Variants in SNAPC1 observed in about 807,000 individuals in gnomAD.
The protein encoded by SNAPC1 is small nuclear RNA activating complex polypeptide 1.
In SNAPC1, 42 loss-of-function variants were observed where a neutral mutation model predicts 50.1. The observed-to-expected ratio is 0.84, with a 90% CI of 0.65 to 1.08. The LOEUF is 1.08. Among genes scored for constraint, SNAPC1 ranks in the 50% least tolerant of loss-of-function variants. The probability of loss-of-function intolerance (pLI) is 0.00; values close to 1 mark genes in which losing one functional copy is unlikely to be tolerated. For synonymous variants in SNAPC1, 164 were observed against 144.2 expected (o/e 1.14, Z -0.98); for missense variants, 477 against 427.3 (o/e 1.12, Z -1.02).
intron 4 of SNAPC1, among the ~76,000 whole-genome samples, chr14:61,772,177 C>A (rs370403017): frequency 6.6e-6 from 1 of 152,068 alleles, no homozygotes; most frequent in Non-Finnish European, 1.5e-5. Flanking sequence ...GCTCACTGCA[C>A]CCTCAGTCTC....
At chr14:61,773,697 T>TAA (rs2045012523) in intron 4 of SNAPC1, among the ~76,000 whole-genome samples, 1 of 56,164 alleles carries the variant, frequency 1.8e-5, no homozygotes. Context: ...TGCCTGGCCT[T>TAA]TTTTTTTTTT....
chr14:61,762,691 G>A (rs1031428246), intron 1 of SNAPC1, 103 bp downstream of exon 1: 17 of 1,387,024 alleles, frequency 1.2e-5, no homozygotes, highest in African/African-American at 8.6e-5. Flanking sequence ...TGAGAAGAGC[G>A]GCAGTCACCG....
At chr14:61,786,670 T>G (rs1305107915) in intron 8 of SNAPC1, among the ~76,000 whole-genome samples, 3 of 152,136 alleles carry the variant, frequency 2.0e-5, no homozygotes, top group Non-Finnish European at 4.4e-5. Context: ...TGTTGAGGAT[T>G]TGGAACAAGT....
chr14:61,767,106 A>T, intron 2 of SNAPC1, 71 bp downstream of exon 2: 2 of 1,056,734 alleles, frequency 1.9e-6, no homozygotes, highest in South Asian at 5.6e-5. Context: ...AATAAATATT[A>T]TATGATTAAA....
chr14:61,766,307 G>A (rs1041833883), intron 1 of SNAPC1, among the ~76,000 whole-genome samples: 16 of 152,178 alleles, frequency 1.1e-4, no homozygotes, highest in African/African-American at 3.6e-4. Context: ...TAAGTTGCTA[G>A]TCAATGAAGA....
At chr14:61,777,759 T>G (rs898987069) in intron 5 of SNAPC1, among the ~76,000 whole-genome samples, 1 of 152,202 alleles carries the variant, frequency 6.6e-6, no homozygotes, top group South Asian at 2.1e-4. Context: ...GCTCTTTTAA[T>G]AGATAAACTC....
At chr14:61,773,228 G>A (rs756751177) in intron 4 of SNAPC1, among the ~76,000 whole-genome samples, 1 of 152,128 alleles carries the variant, frequency 6.6e-6, no homozygotes, top group Non-Finnish European at 1.5e-5. Flanking sequence ...TGCTATGTAA[G>A]TAGGACCTTG....
At chr14:61,766,053 A>G (rs1053052740) in intron 1 of SNAPC1, among the ~76,000 whole-genome samples, 2 of 152,238 alleles carry the variant, frequency 1.3e-5, no homozygotes, top group African/African-American at 4.8e-5. Flanking sequence ...TCTAATTAAG[A>G]CTAAATAGTA....
intron 4 of SNAPC1, among the ~76,000 whole-genome samples, chr14:61,769,318 T>C (rs551433131): frequency 2.0e-5 from 3 of 150,342 alleles, no homozygotes; most frequent in African/African-American, 7.3e-5. Flanking sequence ...ATCGCACCGC[T>C]GCACTCCAGC....
Position 61,762,581 on chromosome 14 carries a change from A to T in SNAPC1, c.121A>T (p.Ile41Phe). ...CTGGAGAAACATGAAGTTCGGGACT[A>T]TCTTCTGGTGGGTGTTTCTTGTCCA... ...ELWRNMKFGT[I>F]FCGRMRNLEK... The change falls in exon 1 of 10, where the codon ATC becomes TTC. Residue 41 changes from isoleucine (I) to phenylalanine (F), a missense_variant. By Grantham distance (21) the Ile-to-Phe change is conservative. Coordinates refer to ENST00000216294, the MANE Select transcript of SNAPC1 (RefSeq NM_003082.4). 1.2e-6 allele frequency: 2 copies of T among 1,613,130 alleles called. No individual in the cohort carries two copies. Among genetic ancestry groups the T allele is most frequent in the Middle Eastern group, 3.4e-4 (2 of 5,928 alleles).
intron 1 of SNAPC1, 147 bp downstream of exon 1, chr14:61,762,735 G>C: frequency 1.2e-6 from 1 of 868,184 alleles, no homozygotes; most frequent in Non-Finnish European, 1.8e-6. Flanking sequence ...ACCTTCCCCT[G>C]TGCTCAGGCA....
chr14:61,778,405 G>C (rs1206686952), intron 6 of SNAPC1, among the ~76,000 whole-genome samples: 3 of 152,194 alleles, frequency 2.0e-5, no homozygotes, highest in Non-Finnish European at 4.4e-5. Flanking sequence ...TCAGGCTTTT[G>C]TAATATATCT....
intron 5 of SNAPC1, among the ~76,000 whole-genome samples, chr14:61,776,877 CA>C (rs2045038555): frequency 6.6e-6 from 1 of 152,148 alleles, no homozygotes; most frequent in Non-Finnish European, 1.5e-5. Flanking sequence ...TTTATTTAAC[CA>C]AAAGTATTGA....
chr14:61,780,877 T>A (rs1566591092), intron 7 of SNAPC1, among the ~76,000 whole-genome samples: 1 of 146,372 alleles, frequency 6.8e-6, no homozygotes, highest in African/African-American at 2.6e-5. Context: ...AATTGTGGAT[T>A]GAAAATATTT....
chr14:61,769,350 C>T (rs565878469), intron 4 of SNAPC1, among the ~76,000 whole-genome samples: 5 of 148,934 alleles, frequency 3.4e-5, no homozygotes, highest in Non-Finnish European at 5.9e-5. Flanking sequence ...AGCAAGATTC[C>T]GTTTTGAAAA....
intron 1 of SNAPC1, among the ~76,000 whole-genome samples, chr14:61,765,162 G>A (rs1176933822): frequency 6.6e-6 from 1 of 152,152 alleles, no homozygotes; most frequent in Non-Finnish European, 1.5e-5. Context: ...GTGGTAAGAA[G>A]ACTGTTACAT....
intron 3 of SNAPC1, 117 bp downstream of exon 3, chr14:61,767,469 CTT>C (rs372976345): frequency 7.4e-3 from 3,297 of 444,546 alleles, no homozygotes; most frequent in Middle Eastern, 0.015. Context: ...AGACTTTTAG[CTT>C]TTTTTTTTTT....
intron 8 of SNAPC1, among the ~76,000 whole-genome samples, chr14:61,784,126 G>A (rs796767125): frequency 1.5e-4 from 23 of 152,230 alleles, no homozygotes; most frequent in African/African-American, 5.5e-4. Context: ...AGCTTGAAGT[G>A]CACTGAGAAT....
Position 61,786,076 on chromosome 14 carries a change from CTT to C in SNAPC1, c.976+3681_976+3682del, listed in dbSNP as rs1251269947. 2.6e-5 allele frequency among the ~76,000 whole-genome samples: 4 copies of C among 152,138 alleles called. No homozygotes were observed. The East Asian group carries it at 7.7e-4, about 29-fold the overall frequency. Reference sequence around the variant, plus strand: ...CTTTCAGAAAATGCAAGAGGGAACACTTTGCAGCTTACTGACATTGCAAGAAA... The same window carrying C: ...CTTTCAGAAAATGCAAGAGGGAACACTGCAGCTTACTGACATTGCAAGAAA... On this transcript the variant is annotated intron_variant, in intron 8 of 9. Transcript: ENST00000216294.
Sources: allele counts gnomAD v4.1 joint callset (sites outside exome capture counted in the v4.1 genomes callset), GRCh38; gene constraint gnomAD v4.1.1; transcripts MANE v1.5; gene names NCBI Gene and HGNC (gene_info 2026-07-23, HGNC 2026-07-21).